The following TRPM3 variants were observed in gnomAD, a reference collection of about 807,000 sequenced individuals.
TRPM3 encodes transient receptor potential cation channel subfamily M member 3, also known as long transient receptor potential channel 3.
A neutral mutation model predicts 181.2 loss-of-function variants in TRPM3; 77 were observed. The ratio of observed to expected loss-of-function variants is 0.42; its 90% CI spans 0.35 to 0.51. The LOEUF (loss-of-function observed/expected upper bound fraction) is 0.51. Ranked by LOEUF, TRPM3 falls within the 20% of genes least tolerant of loss-of-function variation. The pLI is 0.01. For missense variants in TRPM3, 1,759 were observed against 2,196.7 expected, an observed-to-expected ratio of 0.80 and a Z score of 3.98; for synonymous variants, 745 against 796.4, an observed-to-expected ratio of 0.94 and a Z score of 1.09.
At chr9:71,041,106 AAG>A (rs2058761243) in intron 1 of TRPM3, among the ~76,000 whole-genome samples, 1 of 152,294 alleles carries the variant, frequency 6.6e-6, no homozygotes, top group African/African-American at 2.4e-5. Flanking sequence ...AGTGTTAGGA[AAG>A]AGAATATCCT....
chr9:70,960,868 A>T (rs1328833167), intron 1 of TRPM3, among the ~76,000 whole-genome samples: 1 of 152,106 alleles, frequency 6.6e-6, no homozygotes, highest in African/African-American at 2.4e-5. Flanking sequence ...CTCTCCCCAG[A>T]TGGAAATGTT....
Position 71,050,634 on chromosome 9 carries a change from T to A in TRPM3, c.177+70544A>T, listed in dbSNP as rs563144705. ...TGGCTAGAAGTGTCACTTTTAGAAG[T>A]GTTACTTTCCTTAAACACACTTCTG... On this transcript the variant is annotated intron_variant, in intron 1 of 25. Transcript: ENST00000677713. Among the ~76,000 whole-genome samples the A allele has an allele frequency of 5.9e-5, 9 of 152,370 alleles. No individual in the cohort carries two copies. The South Asian group carries it at 1.9e-3, about 32-fold the overall frequency.
chr9:71,096,944 T>C (rs1046686135), intron 1 of TRPM3, among the ~76,000 whole-genome samples: 1 of 152,130 alleles, frequency 6.6e-6, no homozygotes, highest in East Asian at 1.9e-4. Context: ...AGTCATTTCA[T>C]TGATCACATG....
chr9:71,202,552 CT>C (rs759972184), intron 1 of TRPM3, among the ~76,000 whole-genome samples: 31 of 152,142 alleles, frequency 2.0e-4, no homozygotes, highest in Non-Finnish European at 3.5e-4. Flanking sequence ...CACCTCCTGC[CT>C]TTTGGTTTAT....
chr9:71,060,845 G>T (rs764396151), intron 1 of TRPM3, among the ~76,000 whole-genome samples: 2 of 152,028 alleles, frequency 1.3e-5, no homozygotes, highest in Non-Finnish European at 2.9e-5. Flanking sequence ...ACATAAGCTT[G>T]GTCCCTGCCT....
chr9:70,651,753 T>C (rs1381200515), intron 9 of TRPM3, among the ~76,000 whole-genome samples: 1 of 152,192 alleles, frequency 6.6e-6, no homozygotes, highest in Non-Finnish European at 1.5e-5. Flanking sequence ...TGCAGTCTGA[T>C]TGTTTTTCTT....
At chr9:71,219,809 G>A (rs1054690225) in intron 1 of TRPM3, among the ~76,000 whole-genome samples, 2 of 152,172 alleles carry the variant, frequency 1.3e-5, no homozygotes, top group Non-Finnish European at 1.5e-5. Context: ...ATGGGACAAC[G>A]CATTCAAGTC....
chr9:71,008,411 T>G (rs979663450), intron 1 of TRPM3, among the ~76,000 whole-genome samples: 2 of 152,140 alleles, frequency 1.3e-5, no homozygotes, highest in African/African-American at 4.8e-5. Flanking sequence ...AGTCATTCTA[T>G]GAGGTCAGCA....
At chr9:71,019,494 A>C (rs1163899810) in intron 1 of TRPM3, among the ~76,000 whole-genome samples, 1 of 152,084 alleles carries the variant, frequency 6.6e-6, no homozygotes, top group Non-Finnish European at 1.5e-5. Flanking sequence ...TTGCATCAAA[A>C]ATCTTTAAAT....
At chr9:70,683,663 A>T (rs1326640434) in intron 8 of TRPM3, among the ~76,000 whole-genome samples, 1 of 152,006 alleles carries the variant, frequency 6.6e-6, no homozygotes, top group Non-Finnish European at 1.5e-5. Flanking sequence ...GCCGTCAGGT[A>T]GAGGTGTGTC....
At chr9:70,858,659 T>C (rs1204393969) in intron 3 of TRPM3, among the ~76,000 whole-genome samples, 1 of 151,956 alleles carries the variant, frequency 6.6e-6, no homozygotes, top group Admixed American at 6.6e-5. Flanking sequence ...TTTACGCTCG[T>C]AGGGACAGCT....
chr9:71,152,803 C>T (rs2075801390), intron 1 of TRPM3, among the ~76,000 whole-genome samples: 1 of 152,116 alleles, frequency 6.6e-6, no homozygotes, highest in South Asian at 2.1e-4. Flanking sequence ...CCCAGTTAAG[C>T]AACTTGTGGA....
intron 9 of TRPM3, among the ~76,000 whole-genome samples, chr9:70,655,496 C>A (rs577152121): frequency 6.6e-6 from 1 of 152,096 alleles, no homozygotes; most frequent in African/African-American, 2.4e-5. Context: ...GTAAAAACCA[C>A]TGTTTGGCTC....
intron 1 of TRPM3, among the ~76,000 whole-genome samples, chr9:70,880,013 T>G (rs1343798965): frequency 2.0e-5 from 3 of 152,110 alleles, no homozygotes; most frequent in Non-Finnish European, 4.4e-5. Flanking sequence ...TGGAAAACAC[T>G]GATAAAAGAC....
intron 24 of TRPM3, 63 bp downstream of exon 24, chr9:70,552,781 T>C (rs1217756311): frequency 6.4e-7 from 1 of 1,564,384 alleles, no homozygotes; most frequent in Non-Finnish European, 8.8e-7. Flanking sequence ...TTCTGCGTGA[T>C]TGCCTATAGG....
At chr9:71,159,104 T>TGAGA (rs2076147784) in intron 1 of TRPM3, among the ~76,000 whole-genome samples, 1 of 48,746 alleles carries the variant, frequency 2.1e-5, no homozygotes, top group Admixed American at 3.0e-4. Flanking sequence ...ATATATATAT[T>TGAGA]TAGAGAGAGA....
chr9:71,334,951 G>T (rs929652697), intron 1 of TRPM3, among the ~76,000 whole-genome samples: 13 of 151,936 alleles, frequency 8.6e-5, no homozygotes, highest in Admixed American at 2.6e-4. Flanking sequence ...GCTCCATAAA[G>T]AATCACTGAA....
rs937159371 is a variant in TRPM3, at chr9:71,072,614, G to A, written c.177+48564C>T. Among the ~76,000 whole-genome samples the A allele has an allele frequency of 7.9e-5, 12 of 152,184 alleles. No individual in the cohort carries two copies. In the South Asian group the frequency reaches 1.0e-3, roughly 13 times the overall value. ...CAGAATCAAGAGCTGGACCCAACCC[G>A]TCTGACTCCAGAGCTTGTGCAGTAA... On this transcript the variant is annotated intron_variant, in intron 1 of 25. Coordinates refer to ENST00000677713, the MANE Select transcript of TRPM3 (RefSeq NM_001366145.2).
At chr9:71,276,727 C>T (rs1438603882) in intron 1 of TRPM3, among the ~76,000 whole-genome samples, 1 of 152,160 alleles carries the variant, frequency 6.6e-6, no homozygotes, top group Non-Finnish European at 1.5e-5. Context: ...ATGAGTAAAA[C>T]TTCTTTGGAA....
Sources: gnomAD v4.1 joint callset for allele counts (sites outside exome capture counted in the v4.1 genomes callset) on GRCh38, gnomAD v4.1.1 for gene constraint, MANE v1.5 for transcripts, NCBI Gene and HGNC (gene_info 2026-07-23, HGNC 2026-07-21) for gene names.